AGBL1: variants seen among roughly 807,000 people sequenced by gnomAD.
AGBL1 encodes cytosolic carboxypeptidase 4.
In AGBL1, 130 loss-of-function variants were observed where a neutral mutation model predicts 118.9. That is an observed-to-expected ratio of 1.09 (90% CI 0.95 to 1.26). AGBL1 has a LOEUF of 1.26. Ranked by LOEUF, AGBL1 falls within the 50% of genes most tolerant of loss-of-function variation. AGBL1 has a pLI of 0.00. For synonymous variants in AGBL1, 555 were observed against 478.9 expected (o/e 1.16, Z -2.08); for missense variants, 1,584 against 1,298.1 (o/e 1.22, Z -3.38).
chr15:87,004,717 T>C (rs1330724941), intron 24 of AGBL1, among the ~76,000 whole-genome samples: 1 of 152,212 alleles, frequency 6.6e-6, no homozygotes. Flanking sequence ...ATCTGTGAAT[T>C]TGATCCTGTC....
intron 21 of AGBL1, among the ~76,000 whole-genome samples, chr15:86,556,836 C>T (rs2083741424): frequency 6.6e-6 from 1 of 152,082 alleles, no homozygotes; most frequent in African/African-American, 2.4e-5. Flanking sequence ...TCTTTCCTTC[C>T]TTCATAAGAA....
intron 21 of AGBL1, among the ~76,000 whole-genome samples, chr15:86,664,156 G>GA (rs1315356047): frequency 6.6e-6 from 1 of 152,138 alleles, no homozygotes; most frequent in East Asian, 1.9e-4. Flanking sequence ...AATGGATTAG[G>GA]AAACCTGGGC....
chr15:86,840,941 C>A (rs543627774), intron 22 of AGBL1, among the ~76,000 whole-genome samples: 1 of 152,116 alleles, frequency 6.6e-6, no homozygotes, highest in Non-Finnish European at 1.5e-5. Flanking sequence ...CTTTCTACTG[C>A]AACTCACAAA....
intron 22 of AGBL1, among the ~76,000 whole-genome samples, chr15:86,753,034 A>G (rs2077878789): frequency 3.3e-5 from 5 of 152,084 alleles, no homozygotes; most frequent in South Asian, 4.1e-4. Context: ...ACGCTGTCCT[A>G]TTTTCTCCTC....
chr15:86,924,043 C>T (rs574962315), intron 23 of AGBL1, among the ~76,000 whole-genome samples: 1 of 152,304 alleles, frequency 6.6e-6, no homozygotes, highest in African/African-American at 2.4e-5. Flanking sequence ...AATTATTTTA[C>T]TTCATTTGCC....
At chr15:86,886,209 C>T (rs1264138006) in intron 22 of AGBL1, among the ~76,000 whole-genome samples, 6 of 152,152 alleles carry the variant, frequency 3.9e-5, no homozygotes, top group Non-Finnish European at 7.4e-5. Context: ...AGTAAAATAG[C>T]ATACAAATGT....
intron 23 of AGBL1, among the ~76,000 whole-genome samples, chr15:86,948,500 A>G (rs1013487407): frequency 6.6e-6 from 1 of 152,228 alleles, no homozygotes; most frequent in Non-Finnish European, 1.5e-5. Flanking sequence ...CTAAGTGGAC[A>G]CTAGAGCCAC....
chr15:86,341,270 C>T (rs2080457666), intron 17 of AGBL1, among the ~76,000 whole-genome samples: 1 of 152,162 alleles, frequency 6.6e-6, no homozygotes, highest in Non-Finnish European at 1.5e-5. Context: ...TGCTAGGCTG[C>T]CCTTTTCCTG....
chr15:86,184,778 A>G (rs949223937), intron 5 of AGBL1, among the ~76,000 whole-genome samples: 1 of 152,196 alleles, frequency 6.6e-6, no homozygotes, highest in South Asian at 2.1e-4. Context: ...AGAATTGGAA[A>G]AAACTACTTT....
intron 24 of AGBL1, among the ~76,000 whole-genome samples, chr15:86,995,004 G>T (rs927179868): frequency 6.6e-6 from 1 of 151,934 alleles, no homozygotes; most frequent in Non-Finnish European, 1.5e-5. Context: ...ATGTTTTTTT[G>T]GCCAGGCACT....
chr15:86,788,536 G>T (rs1297527369), intron 22 of AGBL1, among the ~76,000 whole-genome samples: 1 of 152,134 alleles, frequency 6.6e-6, no homozygotes, highest in Admixed American at 6.5e-5. Flanking sequence ...CTACTATGGG[G>T]TCTAGGGATA....
intron 21 of AGBL1, among the ~76,000 whole-genome samples, chr15:86,569,152 C>T (rs1405894778): frequency 1.3e-5 from 2 of 152,048 alleles, no homozygotes; most frequent in Middle Eastern, 3.2e-3. Context: ...CCAGATGCTG[C>T]TGGGCGCAAT....
intron 22 of AGBL1, among the ~76,000 whole-genome samples, chr15:86,804,083 G>A (rs1208680523): frequency 6.6e-6 from 1 of 152,086 alleles, no homozygotes; most frequent in African/African-American, 2.4e-5. Flanking sequence ...GCCAAGTACA[G>A]GCTAGAAGAC....
chr15:86,648,370 A>G (rs1342836848), intron 21 of AGBL1, among the ~76,000 whole-genome samples: 1 of 152,176 alleles, frequency 6.6e-6, no homozygotes, highest in Non-Finnish European at 1.5e-5. Flanking sequence ...ATAGGACTTT[A>G]TGATGGATTA....
chr15:86,444,436 A>G (rs576785285), intron 18 of AGBL1, among the ~76,000 whole-genome samples: 4 of 150,758 alleles, frequency 2.7e-5, no homozygotes, highest in South Asian at 2.1e-4. Flanking sequence ...AAGTTTTCAC[A>G]TGACTCTCAG....
downstream of AGBL1, among the ~76,000 whole-genome samples, chr15:86,920,994 C>T (rs1181885902): frequency 6.6e-6 from 1 of 152,100 alleles, no homozygotes; most frequent in Non-Finnish European, 1.5e-5. Context: ...TTCAGAGTGC[C>T]AAGCAAGGAG....
intron 22 of AGBL1, among the ~76,000 whole-genome samples, chr15:86,695,002 T>G (rs2086232066): frequency 6.6e-6 from 1 of 152,108 alleles, no homozygotes; most frequent in Non-Finnish European, 1.5e-5. Flanking sequence ...TAGCTAGTAT[T>G]TTGTTAAGAA....
At chr15:86,174,185 C>G (rs912050624) in intron 5 of AGBL1, among the ~76,000 whole-genome samples, 2 of 151,884 alleles carry the variant, frequency 1.3e-5, no homozygotes, top group African/African-American at 4.8e-5. Flanking sequence ...AAATTTATTT[C>G]TAGGCATTTT....
rs1049710174 is a variant in AGBL1, at chr15:86,862,421, A to G, written c.3159-44666A>G. Among the ~76,000 whole-genome samples the G allele has an allele frequency of 4.6e-5, 7 of 152,206 alleles. 1 individual carries two copies. The highest frequency in any genetic ancestry group is 1.7e-4 in the African/African-American group (7 of 41,448). ...TCTGAATTTGTATATCCTTAATTCA[A>G]AGTTAATGTTCTTTTCAGCCAGGCA... On this transcript the variant is annotated intron_variant, in intron 22 of 22. Transcript: ENST00000614907.
Sources: allele counts gnomAD v4.1 joint callset (sites outside exome capture counted in the v4.1 genomes callset), GRCh38; gene constraint gnomAD v4.1.1; transcripts MANE v1.5; gene names NCBI Gene and HGNC (gene_info 2026-07-23, HGNC 2026-07-21).